PIK3R5: variants seen among roughly 807,000 people sequenced by gnomAD.
The protein encoded by PIK3R5 is phosphoinositide 3-kinase regulatory subunit 5.
Under a neutral mutation model 94.9 loss-of-function variants are expected in PIK3R5, and 32 were observed. The ratio of observed to expected loss-of-function variants is 0.34; its 90% CI spans 0.25 to 0.45. The LOEUF (loss-of-function observed/expected upper bound fraction) is 0.45. Ranked by LOEUF, PIK3R5 falls within the 20% of genes least tolerant of loss-of-function variation. The pLI, the probability that PIK3R5 is intolerant of heterozygous loss-of-function variation, is 1.00. For synonymous variants in PIK3R5, 443 were observed against 479.4 expected, an observed-to-expected ratio of 0.92 and a Z score of 0.99; for missense variants, 853 against 1,144.6, an observed-to-expected ratio of 0.75 and a Z score of 3.68.
At chr17:8,914,547 C>T (rs2090594533) in intron 1 of PIK3R5, among the ~76,000 whole-genome samples, 2 of 152,196 alleles carry the variant, frequency 1.3e-5, no homozygotes, top group South Asian at 4.1e-4. Context: ...GGGTTGTCAG[C>T]CCATCTGGAA....
chr17:8,896,803 G>T lies in PIK3R5; in HGVS notation c.413-3148C>A, dbSNP rs1033577777. ...GGTGATGTGGGTACTTGAGCCTGGG[G>T]GAGGCAGGGAGCAACCACATCTGAC... On this transcript the variant is annotated intron_variant, in intron 5 of 18. Coordinates refer to ENST00000447110, the MANE Select transcript of PIK3R5 (RefSeq NM_001142633.3). This position sits in a 1 kb window ranked among gnomAD's most constrained non-coding sequence, Gnocchi z 4.0. 6.6e-6 allele frequency among the ~76,000 whole-genome samples: 1 copy of T among 152,136 alleles called. No individual in the cohort carries two copies. The highest frequency in any genetic ancestry group is 1.5e-5 in the Non-Finnish European group (1 of 68,022).
In PIK3R5 at chr17:8,879,295, A is replaced by T. The variant is rs1334618526; in HGVS notation, c.*1344T>A. On this transcript the variant is annotated 3_prime_UTR_variant, in exon 19 of 19. Transcript: ENST00000447110. This position sits in a 1 kb window ranked among gnomAD's most constrained non-coding sequence, Gnocchi z 4.4. ...GTCTTGACTTCTGCCCTATCTCTCT[A>T]GCCCATGTTTGCTTCCAGCTTCTCA... The T allele has an allele frequency of 6.6e-6, 1 of 152,234 alleles. No homozygotes were observed. Among genetic ancestry groups the T allele is most frequent in the Non-Finnish European group, 1.5e-5 (1 of 68,062 alleles). 9.4% of individuals were successfully genotyped at this position (152,234 alleles called of 1,614,324 possible).
rs1460927466 is a variant in PIK3R5, at chr17:8,886,095, C to T, written c.2128+134G>A. The T allele has an allele frequency of 1.3e-5, 9 of 682,554 alleles. No homozygotes were observed. The Admixed American group carries it at 1.7e-4, about 13-fold the overall frequency. 42.3% of individuals were successfully genotyped at this position (682,554 alleles called of 1,614,324 possible). ...GCCCCACCTCCCGGTAACCCCGTCT[C>T]CCCAGGGGCCTACCTCCTGTGCAAC... On this transcript the variant is annotated intron_variant, in intron 14 of 18. Transcript: ENST00000447110.
intron 1 of PIK3R5, among the ~76,000 whole-genome samples, chr17:8,922,879 A>G (rs1275313668): frequency 6.6e-6 from 1 of 152,152 alleles, no homozygotes; most frequent in African/African-American, 2.4e-5. Flanking sequence ...AAGGCAGAAG[A>G]TGAAGTAGAG....
intron 5 of PIK3R5, among the ~76,000 whole-genome samples, chr17:8,897,639 G>A (rs549427975): frequency 2.6e-5 from 4 of 152,236 alleles, no homozygotes; most frequent in African/African-American, 4.8e-5. Flanking sequence ...TCCATTCCTC[G>A]TTTTTTTATG....
rs1307988176 is a variant in PIK3R5 at position 8,935,991 on chromosome 17, T to C, written c.-13-24484A>G. Among the ~76,000 whole-genome samples the C allele has an allele frequency of 6.6e-6, 1 of 151,380 alleles. No individual in the cohort carries two copies. Among genetic ancestry groups the C allele is most frequent in the Non-Finnish European group, 1.5e-5 (1 of 67,874 alleles). On this transcript the variant is annotated intron_variant, in intron 1 of 18. Coordinates refer to ENST00000447110, the MANE Select transcript of PIK3R5 (RefSeq NM_001142633.3). The surrounding 1 kb of genome is among the most constrained non-coding windows in gnomAD (Gnocchi z 4.5). ...ATGGCGTGAACCCGGGAGGCGGAGA[T>C]TGCAGTGAGCTGAGCTTGCGCCACT...
In PIK3R5 at chr17:8,887,491, C is replaced by CCG. The variant is rs757294358; in HGVS notation, c.1779+29_1779+30insCG. 8,714 of 1,581,900 alleles carry CCG rather than the reference C, an allele frequency of 5.5e-3. 404 individuals carry two copies. In the African/African-American group the frequency reaches 0.099, roughly 18 times the overall value. On this transcript the variant is annotated intron_variant, in intron 11 of 18. Transcript: ENST00000447110. ...TTCAGGTAGCCAGAACTCTACTTTC[C>CCG]CCGACCATTGGCCCAGGCTGGGGAC...
In PIK3R5 at chr17:8,938,495, G is replaced by A. The variant is rs536206668; in HGVS notation, c.-13-26988C>T. ...TATCTGATCCCAGAATATTTTCATCGCTCCAAAAAGAAACCCTATACCTAT... is the reference window on the plus strand; with the variant it reads ...TATCTGATCCCAGAATATTTTCATCACTCCAAAAAGAAACCCTATACCTAT... On this transcript the variant is annotated intron_variant, in intron 1 of 18. Transcript: ENST00000447110. Among the ~76,000 whole-genome samples, 10 of 152,072 alleles carry A rather than the reference G, an allele frequency of 6.6e-5. No homozygotes were observed. In the East Asian group the frequency reaches 7.7e-4, roughly 12 times the overall value.
chr17:8,897,125 T>C (rs934681066), intron 5 of PIK3R5, among the ~76,000 whole-genome samples: 2 of 152,150 alleles, frequency 1.3e-5, no homozygotes, highest in African/African-American at 4.8e-5. Flanking sequence ...CCAGAGAGGC[T>C]GGAGGAATTG....
At chr17:8,957,969 C>T (rs1033521382) in intron 1 of PIK3R5, among the ~76,000 whole-genome samples, 3 of 152,076 alleles carry the variant, frequency 2.0e-5, no homozygotes, top group African/African-American at 4.8e-5. Flanking sequence ...AAACTGACAA[C>T]GGCAGCACAG....
chr17:8,958,936 T>A, intron 1 of PIK3R5, among the ~76,000 whole-genome samples: 1 of 152,184 alleles, frequency 6.6e-6, no homozygotes, highest in Non-Finnish European at 1.5e-5. Context: ...ATTTGTATTT[T>A]TAGTAGAGAT....
At chr17:8,958,434 A>C (rs1455717255) in intron 1 of PIK3R5, among the ~76,000 whole-genome samples, 1 of 152,022 alleles carries the variant, frequency 6.6e-6, no homozygotes, top group African/African-American at 2.4e-5. Flanking sequence ...ACATAAATCT[A>C]TCACAAGGTG....
intron 3 of PIK3R5, 86 bp downstream of exon 3, chr17:8,908,988 C>T (rs959276365): frequency 2.4e-6 from 2 of 845,546 alleles, no homozygotes; most frequent in Non-Finnish European, 3.9e-6. Flanking sequence ...GGTCCAGGCA[C>T]CCAGGAATGA....
intron 1 of PIK3R5, among the ~76,000 whole-genome samples, chr17:8,931,696 GT>G (rs1339819194): frequency 6.6e-6 from 1 of 152,224 alleles, no homozygotes; most frequent in African/African-American, 2.4e-5. Context: ...ATACTAAGCT[GT>G]GCAGGGTAAG....
chr17:8,906,867 CTCTA>C (rs1283799430), intron 3 of PIK3R5, among the ~76,000 whole-genome samples: 1 of 152,166 alleles, frequency 6.6e-6, no homozygotes. Context: ...GGGGATCTCA[CTCTA>C]TCTTTTTCCA....
chr17:8,944,279 T>A (rs1478787084), intron 1 of PIK3R5, among the ~76,000 whole-genome samples: 2 of 152,238 alleles, frequency 1.3e-5, no homozygotes, highest in Admixed American at 6.5e-5. Context: ...CATGGCTACA[T>A]AATATTCCAT....
intron 1 of PIK3R5, among the ~76,000 whole-genome samples, chr17:8,943,600 C>T (rs554855716): frequency 2.6e-5 from 4 of 152,164 alleles, no homozygotes; most frequent in South Asian, 2.1e-4. Context: ...GGTGAAACCC[C>T]GTCTCTACTA....
Position 8,880,892 on chromosome 17 carries a change from C to A in PIK3R5, c.2495+13G>T. The stretch of plus-strand genomic sequence containing the variant: ...CAGAAACTGCTCCCCTCCCTAGGAC[C>A]CCCCTTTCCTACCTGACTACACTCT... On this transcript the variant is annotated intron_variant, in intron 18 of 18. Coordinates refer to ENST00000447110, the MANE Select transcript of PIK3R5 (RefSeq NM_001142633.3). The A allele has an allele frequency of 6.2e-7, 1 of 1,612,838 alleles. No individual in the cohort carries two copies. The highest frequency in any genetic ancestry group is 8.5e-7 in the Non-Finnish European group (1 of 1,178,822).
intron 1 of PIK3R5, among the ~76,000 whole-genome samples, chr17:8,922,878 G>T (rs542593712): frequency 1.3e-5 from 2 of 152,268 alleles, no homozygotes; most frequent in East Asian, 3.9e-4. Flanking sequence ...GAAGGCAGAA[G>T]ATGAAGTAGA....
Sources: gnomAD v4.1 joint callset for allele counts (sites outside exome capture counted in the v4.1 genomes callset) on GRCh38, gnomAD v4.1.1 for gene constraint, Gnocchi (gnomAD v3.1) non-coding constraint, MANE v1.5 for transcripts, NCBI Gene and HGNC (gene_info 2026-07-23, HGNC 2026-07-21) for gene names.